EP300: variants seen among roughly 807,000 people sequenced by gnomAD.
EP300 encodes histone acetyltransferase p300.
EP300 carries 31 observed loss-of-function variants against 264.0 expected under a neutral mutation model. The ratio of observed to expected loss-of-function variants is 0.12; its 90% CI spans 0.09 to 0.16. The LOEUF (loss-of-function observed/expected upper bound fraction) is 0.16. EP300 is among the 10% of genes least tolerant of loss of function. EP300 has a pLI of 1.00. For missense variants in EP300, 2,766 were observed against 3,052.9 expected (o/e 0.91, Z 2.21); for synonymous variants, 1,340 against 1,045.4 (o/e 1.28, Z -5.44).
At chr22:41,147,154 A>C (rs936957377) in intron 11 of EP300, among the ~76,000 whole-genome samples, 52 of 152,186 alleles carry the variant, frequency 3.4e-4, no homozygotes, top group South Asian at 8.3e-4. Flanking sequence ...AAATACAAAA[A>C]AATTAGCCGG....
chr22:41,099,478 C>T (rs1416280108), intron 1 of EP300, among the ~76,000 whole-genome samples: 3 of 152,222 alleles, frequency 2.0e-5, no homozygotes, highest in Non-Finnish European at 2.9e-5. Flanking sequence ...GTCTTCCACA[C>T]ACAAATTTAA....
chr22:41,162,735 A>G lies in EP300; in HGVS notation c.3684A>G (p.Lys1228=). ...DPSQPQTTIN[K]EQFSKRKNDT... ...TTTCTCTCCTTAGTACAATAAATAA[A>G]GAACAATTTTCCAAGAGAAAAAATG... The change falls in exon 21 of 31, where the codon AAA becomes AAG. Residue 1228 remains lysine (K), a synonymous_variant. Transcript: ENST00000263253. The G allele has an allele frequency of 6.2e-7, 1 of 1,612,484 alleles. No individual in the cohort carries two copies. The highest frequency in any genetic ancestry group is 1.3e-5 in the African/African-American group (1 of 75,032).
At chr22:41,120,105 C>G (rs926089108) in intron 2 of EP300, among the ~76,000 whole-genome samples, 9 of 152,178 alleles carry the variant, frequency 5.9e-5, no homozygotes, top group African/African-American at 2.2e-4. Flanking sequence ...GGCCTATTTT[C>G]TTATTTTAAA....
At chr22:41,170,864 C>A (rs79540) in intron 27 of EP300, among the ~76,000 whole-genome samples, 1 of 151,210 alleles carries the variant, frequency 6.6e-6, no homozygotes, top group East Asian at 1.9e-4. Context: ...GGGGTTTCAC[C>A]GTGTTAGCCA....
intron 20 of EP300, 65 bp downstream of exon 20, chr22:41,160,787 A>G (rs2059103925): frequency 7.0e-7 from 1 of 1,434,736 alleles, no homozygotes; most frequent in Non-Finnish European, 9.8e-7. Context: ...TGCACAGCTT[A>G]TTTCTAAATG....
Position 41,135,917 on chromosome 22 carries a change from A to C in EP300, c.1622+11A>C, listed in dbSNP as rs765071782. On this transcript the variant is annotated intron_variant, in intron 7 of 30. Coordinates refer to ENST00000263253, the MANE Select transcript of EP300 (RefSeq NM_001429.4). Reference sequence around the variant, plus strand: ...CATAAATTCTCAAAAGTAAGTCTTAACGTGATTTATACCCTGGGTCACATT... The same window carrying C: ...CATAAATTCTCAAAAGTAAGTCTTACCGTGATTTATACCCTGGGTCACATT... 1 of 1,591,012 alleles carries C rather than the reference A, an allele frequency of 6.3e-7. No individual in the cohort carries two copies.
At chr22:41,174,862 G>A (rs1251073964) in intron 29 of EP300, 1 of 152,152 alleles carries the variant, frequency 6.6e-6, no homozygotes, top group Non-Finnish European at 1.5e-5. Flanking sequence ...CTTTTTTAGA[G>A]AGGAATTTGT....
intron 10 of EP300, among the ~76,000 whole-genome samples, chr22:41,144,992 G>A (rs2059002756): frequency 6.6e-6 from 1 of 152,136 alleles, no homozygotes; most frequent in Admixed American, 6.5e-5. Context: ...TAGAAGAGCT[G>A]TGTTTTCTCT....
chr22:41,114,053 T>C (rs1285601148), intron 1 of EP300, among the ~76,000 whole-genome samples: 1 of 152,200 alleles, frequency 6.6e-6, no homozygotes, highest in Non-Finnish European at 1.5e-5. Flanking sequence ...GCAAATAAAG[T>C]ATGATCTCAG....
chr22:41,104,509 C>A (rs938438417), intron 1 of EP300, among the ~76,000 whole-genome samples: 1 of 151,924 alleles, frequency 6.6e-6, no homozygotes, highest in East Asian at 1.9e-4. Context: ...AGGCTGACCT[C>A]GAACTCCTGA....
chr22:41,132,286 CTTTTTTTTTTT>C (rs532779902), intron 6 of EP300, among the ~76,000 whole-genome samples: 1 of 56,760 alleles, frequency 1.8e-5, no homozygotes, highest in Non-Finnish European at 3.5e-5. Flanking sequence ...TTCTTTCATT[CTTTTTTTTTTT>C]TTTTTTTTTG....
chr22:41,144,164 T>C (rs1235028133), intron 10 of EP300, among the ~76,000 whole-genome samples: 2 of 152,202 alleles, frequency 1.3e-5, no homozygotes, highest in Non-Finnish European at 2.9e-5. Flanking sequence ...GAAAAAGTTC[T>C]GGAAGAAGTA....
intron 1 of EP300, among the ~76,000 whole-genome samples, chr22:41,099,968 G>A (rs1485489475): frequency 3.3e-5 from 5 of 152,168 alleles, no homozygotes; most frequent in Non-Finnish European, 5.9e-5. Flanking sequence ...TGTAATCCTG[G>A]CACTTTGGGA....
At chr22:41,163,976 G>A in intron 21 of EP300, 77 bp from the exon 22 acceptor site, 4 of 1,321,830 alleles carry the variant, frequency 3.0e-6, no homozygotes, top group Non-Finnish European at 3.3e-6. Context: ...GTCTTTGTCA[G>A]AAGTCATGGG....
At chr22:41,161,063 C>A (rs1168427884) in intron 20 of EP300, among the ~76,000 whole-genome samples, 1 of 152,150 alleles carries the variant, frequency 6.6e-6, no homozygotes, top group Non-Finnish European at 1.5e-5. Context: ...GTATAGGAAG[C>A]AATCAGCTTC....
rs886043598 is a variant in EP300, at chr22:41,168,760, C to T, written c.4065C>T (p.Tyr1355=). Residue 1355 remains tyrosine, a synonymous_variant, in exon 25 of 31, where the codon TAC becomes TAT. Transcript: ENST00000263253. ...DSGEMAESFP[Y]RTKALFAFEE... ...GAGAGATGGCAGAATCCTTTCCATA[C>T]CGAACCAAAGCCCTCTTTGCCTTTG... 3.7e-6 allele frequency: 6 copies of T among 1,614,046 alleles called. No individual in the cohort carries two copies. The African/African-American group carries it at 4.0e-5, about 11-fold the overall frequency.
At chr22:41,165,964 T>C (rs768510332) in intron 22 of EP300, among the ~76,000 whole-genome samples, 3 of 151,784 alleles carry the variant, frequency 2.0e-5, no homozygotes, top group African/African-American at 7.3e-5. Context: ...CTTGTATTTT[T>C]ACTAGAGACA....
rs777586764 is a variant in EP300 at position 41,092,988 on chromosome 22, C to G, written c.-17C>G. On this transcript the variant is annotated 5_prime_UTR_variant, in exon 1 of 31. It adds an upstream start codon to the 5' untranslated region. Coordinates refer to ENST00000263253, the MANE Select transcript of EP300 (RefSeq NM_001429.4). ...GGATTCTGGTTTTCCTCGCTTGTAT[C>G]TCCGAAAGAATTAAAAATGGCCGAG... is the stretch of plus-strand genomic sequence containing the variant. The G allele has an allele frequency of 1.9e-6, 3 of 1,614,004 alleles. No individual in the cohort carries two copies. The highest frequency in any genetic ancestry group is 2.5e-6 in the Non-Finnish European group (3 of 1,179,878).
At chr22:41,158,273 C>T in intron 18 of EP300, 139 bp from the exon 19 acceptor site, 4 of 717,202 alleles carry the variant, frequency 5.6e-6, no homozygotes, top group South Asian at 4.5e-5. Flanking sequence ...GAATGATTTT[C>T]AGGAACTGAA....
Sources: gnomAD v4.1 joint callset for allele counts (sites outside exome capture counted in the v4.1 genomes callset) on GRCh38, gnomAD v4.1.1 for gene constraint, MANE v1.5 for transcripts, NCBI Gene and HGNC (gene_info 2026-07-23, HGNC 2026-07-21) for gene names.